GPATCH2: variants seen among roughly 807,000 people sequenced by gnomAD.
The protein encoded by GPATCH2 is G patch domain-containing protein 2.
GPATCH2 carries 51 observed loss-of-function variants against 58.0 expected under a neutral mutation model. That is an observed-to-expected ratio of 0.88 (90% confidence interval 0.70 to 1.11). The LOEUF (loss-of-function observed/expected upper bound fraction) is 1.11. GPATCH2 is among the 50% of genes most tolerant of loss of function. The probability of loss-of-function intolerance (pLI) is 0.00; values close to 1 mark genes in which losing one functional copy is unlikely to be tolerated. For missense variants in GPATCH2, 625 were observed against 652.2 expected, an observed-to-expected ratio of 0.96 and a Z score of 0.45; for synonymous variants, 222 against 218.5, an observed-to-expected ratio of 1.02 and a Z score of -0.14.
intron 5 of GPATCH2, among the ~76,000 whole-genome samples, chr1:217,588,903 A>G (rs1667463769): frequency 6.6e-6 from 1 of 152,162 alleles, no homozygotes; most frequent in South Asian, 2.1e-4. Flanking sequence ...TTTAAACACA[A>G]TTTATTAAGC....
At chr1:217,525,842 T>A (rs1663877553) in intron 5 of GPATCH2, among the ~76,000 whole-genome samples, 1 of 152,160 alleles carries the variant, frequency 6.6e-6, no homozygotes, top group Admixed American at 6.5e-5. Context: ...TACATGCACA[T>A]TTTAAAAATT....
At chr1:217,494,116 T>G (rs1400294336) in intron 7 of GPATCH2, among the ~76,000 whole-genome samples, 1 of 152,216 alleles carries the variant, frequency 6.6e-6, no homozygotes, top group African/African-American at 2.4e-5. Context: ...AACGTTGATG[T>G]TATAGCTCCT....
At chr1:217,600,694 C>T (rs866262664) in intron 5 of GPATCH2, among the ~76,000 whole-genome samples, 4 of 152,008 alleles carry the variant, frequency 2.6e-5, no homozygotes, top group Admixed American at 1.3e-4. Context: ...ATAATGGGGA[C>T]TATGGCAATG....
intron 6 of GPATCH2, among the ~76,000 whole-genome samples, chr1:217,511,199 A>G (rs1462546970): frequency 6.6e-6 from 1 of 152,174 alleles, no homozygotes; most frequent in Admixed American, 6.6e-5. Flanking sequence ...ATTAAATTCA[A>G]TCCCTCCACA....
intron 4 of GPATCH2, 22 bp downstream of exon 4, chr1:217,610,867 C>T (rs773844346): frequency 5.5e-5 from 85 of 1,551,166 alleles, no homozygotes; most frequent in Non-Finnish European, 7.4e-5. Context: ...ATTATATCTA[C>T]CAGGGAGCCA....
intron 9 of GPATCH2, among the ~76,000 whole-genome samples, chr1:217,436,312 A>C (rs948206912): frequency 3.9e-5 from 6 of 152,222 alleles, no homozygotes; most frequent in Non-Finnish European, 4.4e-5. Context: ...TACACAAAGC[A>C]TGTGGTATAT....
intron 8 of GPATCH2, among the ~76,000 whole-genome samples, chr1:217,485,421 C>G (rs999889617): frequency 6.6e-6 from 1 of 151,812 alleles, no homozygotes. Context: ...TAAAATTAAC[C>G]ATTACATGGT....
chr1:217,609,506 C>T (rs2102812638), intron 5 of GPATCH2: 1 of 983,276 alleles, frequency 1.0e-6, no homozygotes, highest in African/African-American at 1.7e-5. Flanking sequence ...ATGATTTTTG[C>T]AGTACAATGA....
intron 5 of GPATCH2, among the ~76,000 whole-genome samples, chr1:217,572,200 A>T (rs1213465513): frequency 6.6e-6 from 1 of 152,162 alleles, no homozygotes; most frequent in African/African-American, 2.4e-5. Flanking sequence ...GAGAGGATAC[A>T]TTGATAGCTA....
chr1:217,623,789 C>T (rs1387975796), intron 1 of GPATCH2, among the ~76,000 whole-genome samples: 3 of 151,922 alleles, frequency 2.0e-5, no homozygotes, highest in South Asian at 2.1e-4. Flanking sequence ...GTAATCCTAG[C>T]GACTCGGGAG....
At position 217,428,424 on chromosome 1, in the gene GPATCH2, T is replaced by A. The variant is rs953319901; in HGVS notation, c.*2721A>T. ...AATTAACTATATATAAAAGACAAAT[T>A]AGTGGGCTTCAGATGGTGAAAGACA... On this transcript the variant is annotated 3_prime_UTR_variant, in exon 10 of 10. Transcript: ENST00000366935. 2.6e-5 allele frequency: 4 copies of A among 152,084 alleles called. No homozygotes were observed. The highest frequency in any genetic ancestry group is 4.8e-5 in the African/African-American group (2 of 41,422). The allele number at this position is 152,084 out of a possible 1,614,324, so 9.4% of individuals were successfully genotyped here.
rs1664831960 is a variant in GPATCH2, at chr1:217,543,047, C to T, written c.1099-28158G>A. Among the ~76,000 whole-genome samples, 3 of 152,284 alleles carry T rather than the reference C, an allele frequency of 2.0e-5. No individual in the cohort carries two copies. In the South Asian group the frequency reaches 6.2e-4, roughly 32 times the overall value. On this transcript the variant is annotated intron_variant, in intron 5 of 9. Coordinates refer to ENST00000366935, the MANE Select transcript of GPATCH2 (RefSeq NM_018040.5). ...CTAAACACCTGCCATGAGCCAGGCA[C>T]AGTTCTGCCTGTTTTACCTACATCA... is the stretch of plus-strand genomic sequence containing the variant.
intron 5 of GPATCH2, among the ~76,000 whole-genome samples, chr1:217,601,393 T>G (rs181170078): frequency 1.3e-5 from 2 of 151,978 alleles, no homozygotes; most frequent in African/African-American, 4.8e-5. Flanking sequence ...TATGTATAAT[T>G]ATTACTGTCT....
rs553851830 is a variant in GPATCH2 at position 217,581,010 on chromosome 1, C to A, written c.1098+29311G>T. Among the ~76,000 whole-genome samples, 45 of 29,676 alleles carry A rather than the reference C, an allele frequency of 1.5e-3. 8 individuals are homozygous for A. Among genetic ancestry groups the A allele is most frequent in the African/African-American group, 4.3e-3 (40 of 9,348 alleles). The allele number at this position is 29,676 out of a possible 152,430, so 19.5% of individuals were successfully genotyped here. A position where few individuals can be genotyped will look rare whatever the true frequency, so the allele number is the denominator to read the frequency against. On this transcript the variant is annotated intron_variant, in intron 5 of 9. Transcript: ENST00000366935. ...CAGCCTGGGCGACAGAGCGAGACTC[C>A]GTCTCAAAAAAAAAAAAAAAAAAAA...
chr1:217,594,994 T>A (rs932073081), intron 5 of GPATCH2, among the ~76,000 whole-genome samples: 1 of 152,140 alleles, frequency 6.6e-6, no homozygotes, highest in African/African-American at 2.4e-5. Context: ...AACAAACATA[T>A]GATTACAGTA....
chr1:217,430,734 G>C lies in GPATCH2; in HGVS notation c.*411C>G, dbSNP rs1408666438. ...TAGGTCTTTTGGGTTACAATAGATAGGGATGATATAAAACACAATCTTTTC... is the reference window on the plus strand; with the variant it reads ...TAGGTCTTTTGGGTTACAATAGATACGGATGATATAAAACACAATCTTTTC... On this transcript the variant is annotated 3_prime_UTR_variant, in exon 10 of 10. Coordinates refer to ENST00000366935, the MANE Select transcript of GPATCH2 (RefSeq NM_018040.5). 2 of 186,672 alleles carry C rather than the reference G, an allele frequency of 1.1e-5. No homozygotes were observed. The highest frequency in any genetic ancestry group is 1.1e-4 in the Admixed American group (2 of 18,046). The allele number at this position is 186,672 out of a possible 1,614,324, so 11.6% of individuals were successfully genotyped here.
intron 1 of GPATCH2, among the ~76,000 whole-genome samples, chr1:217,626,872 T>C (rs966566321): frequency 6.6e-6 from 1 of 152,024 alleles, no homozygotes; most frequent in African/African-American, 2.4e-5. Flanking sequence ...TTCTCTCTTT[T>C]TGAAAAAGGT....
chr1:217,431,264 C>T lies in GPATCH2; in HGVS notation c.1468G>A (p.Gly490Ser). 1 of 1,603,896 alleles carries T rather than the reference C, an allele frequency of 6.2e-7. No individual in the cohort carries two copies. Among genetic ancestry groups the T allele is most frequent in the Non-Finnish European group, 8.5e-7 (1 of 1,170,670 alleles). The change falls in exon 10 of 10, where the codon GGC becomes AGC. Residue 490 changes from glycine to serine, a missense_variant. Gly to Ser is a moderately conservative substitution (Grantham distance 56). Coordinates refer to ENST00000366935, the MANE Select transcript of GPATCH2 (RefSeq NM_018040.5). ...WTPGSGLGRD[G>S]KGISEPIQAM... Reference sequence around the variant, plus strand: ...TGAATTGGCTCAGAGATCCCCTTGCCATCTCGTCCAAGGCCTGACCCAGGC... The same window carrying T: ...TGAATTGGCTCAGAGATCCCCTTGCTATCTCGTCCAAGGCCTGACCCAGGC...
intron 5 of GPATCH2, among the ~76,000 whole-genome samples, chr1:217,527,644 A>T (rs1265397259): frequency 6.6e-6 from 1 of 152,210 alleles, no homozygotes; most frequent in East Asian, 1.9e-4. Context: ...TCGAGCCACC[A>T]TTATTTGGAT....
Sources: allele counts gnomAD v4.1 joint callset (sites outside exome capture counted in the v4.1 genomes callset), GRCh38; gene constraint gnomAD v4.1.1; transcripts MANE v1.5; gene names NCBI Gene and HGNC (gene_info 2026-07-23, HGNC 2026-07-21).